TBC1D19: variants seen among roughly 807,000 people sequenced by gnomAD.
TBC1D19 encodes TBC1 domain family, member 19.
TBC1D19 carries 60 observed loss-of-function variants against 89.0 expected under a neutral mutation model. The ratio of observed to expected loss-of-function variants is 0.67; its 90% CI spans 0.55 to 0.84. The LOEUF is 0.84. Among genes scored for constraint, TBC1D19 ranks in the 40% least tolerant of loss-of-function variants. The pLI is 0.00. For missense variants in TBC1D19, 500 were observed against 610.8 expected (o/e 0.82, Z 1.91); for synonymous variants, 189 against 199.7 (o/e 0.95, Z 0.45).
At chr4:26,682,010 T>A (rs1713388472) in intron 11 of TBC1D19, among the ~76,000 whole-genome samples, 2 of 152,176 alleles carry the variant, frequency 1.3e-5, no homozygotes, top group South Asian at 4.1e-4. Flanking sequence ...TTTGGGACAG[T>A]TGAATGGAAG....
the TBC1D19 span, among the ~76,000 whole-genome samples, chr4:26,846,173 A>C: frequency 6.6e-6 from 1 of 152,210 alleles, no homozygotes; most frequent in Non-Finnish European, 1.5e-5. Flanking sequence ...CTGTTGATGG[A>C]CATTTGAGTG....
the TBC1D19 span, among the ~76,000 whole-genome samples, chr4:26,822,407 T>G: frequency 6.6e-6 from 1 of 152,256 alleles, no homozygotes; most frequent in Non-Finnish European, 1.5e-5. Flanking sequence ...TGAACCCACT[T>G]CATTAATAAG....
chr4:26,845,085 A>G, the TBC1D19 span, among the ~76,000 whole-genome samples: 413 of 152,350 alleles, frequency 2.7e-3, no homozygotes, highest in Non-Finnish European at 5.2e-3. Flanking sequence ...TAATGAAATC[A>G]ACAATTATCT....
chr4:26,687,062 C>G (rs184646906), intron 12 of TBC1D19, among the ~76,000 whole-genome samples: 1 of 151,998 alleles, frequency 6.6e-6, no homozygotes, highest in East Asian at 1.9e-4. Context: ...ATTTTTGTAT[C>G]CTTCATCCCA....
rs189107227 is a variant in TBC1D19 at position 26,755,513 on chromosome 4, A to G, written c.*566A>G. Among the ~76,000 whole-genome samples, 13 of 152,174 alleles carry G rather than the reference A, an allele frequency of 8.5e-5. No individual in the cohort carries two copies. The highest frequency in any genetic ancestry group is 3.1e-4 in the African/African-American group (13 of 41,552). Reference sequence around the variant, plus strand: ...CCAGGGATTTTCTACATTTCTCTCCATTTTATTTCTCTCTTTAAACATCTC... The same window carrying G: ...CCAGGGATTTTCTACATTTCTCTCCGTTTTATTTCTCTCTTTAAACATCTC... On this transcript the variant is annotated 3_prime_UTR_variant, in exon 21 of 21. Coordinates refer to ENST00000264866, the MANE Select transcript of TBC1D19 (RefSeq NM_018317.4).
At chr4:26,843,918 TCAAA>T in the TBC1D19 span, among the ~76,000 whole-genome samples, 2 of 151,994 alleles carry the variant, frequency 1.3e-5, no homozygotes, top group South Asian at 2.1e-4. Context: ...CCACACACTC[TCAAA>T]CAACCAGATC....
the TBC1D19 span, among the ~76,000 whole-genome samples, chr4:26,855,921 T>G: frequency 6.6e-6 from 1 of 152,238 alleles, no homozygotes; most frequent in Non-Finnish European, 1.5e-5. Flanking sequence ...ATGTACATTG[T>G]AGAACAATTC....
chr4:26,853,639 G>C, the TBC1D19 span, among the ~76,000 whole-genome samples: 2 of 152,024 alleles, frequency 1.3e-5, no homozygotes, highest in Non-Finnish European at 2.9e-5. Context: ...CCAGGTTCAA[G>C]CCGTTCTCCT....
At chr4:26,712,503 T>C (rs1000181419) in intron 13 of TBC1D19, among the ~76,000 whole-genome samples, 11 of 152,092 alleles carry the variant, frequency 7.2e-5, no homozygotes, top group African/African-American at 2.4e-4. Flanking sequence ...CTTGGTTACA[T>C]TGGGCCCAGC....
chr4:26,753,072 T>C lies in TBC1D19; in HGVS notation c.1436-748T>C, dbSNP rs75048197. ...CCTGTAGCCAACATTATATTAAATGTCAGGATCAATCCCACAGCAGCCCTC... is the reference window on the plus strand; with the variant it reads ...CCTGTAGCCAACATTATATTAAATGCCAGGATCAATCCCACAGCAGCCCTC... On this transcript the variant is annotated intron_variant, in intron 19 of 20. Coordinates refer to ENST00000264866, the MANE Select transcript of TBC1D19 (RefSeq NM_018317.4). Among the ~76,000 whole-genome samples, 578 of 152,346 alleles carry C rather than the reference T, an allele frequency of 3.8e-3. 4 individuals are homozygous for C. The highest frequency in any genetic ancestry group is 6.9e-3 in the Non-Finnish European group (467 of 68,036).
At chr4:26,644,706 T>G (rs1743795189) in intron 7 of TBC1D19, among the ~76,000 whole-genome samples, 1 of 152,240 alleles carries the variant, frequency 6.6e-6, no homozygotes, top group Non-Finnish European at 1.5e-5. Context: ...CTTAGGCTGA[T>G]AAGCAACTTC....
chr4:26,700,826 T>C (rs1413366621), intron 13 of TBC1D19, among the ~76,000 whole-genome samples: 2 of 152,220 alleles, frequency 1.3e-5, no homozygotes, highest in African/African-American at 4.8e-5. Context: ...CTTCCTATTT[T>C]TCTCTCTTGC....
At chr4:26,666,275 T>C in intron 8 of TBC1D19, 58 bp from the exon 9 acceptor site, 1 of 1,409,174 alleles carries the variant, frequency 7.1e-7, no homozygotes, top group Middle Eastern at 1.8e-4. Flanking sequence ...AGGTGATCTT[T>C]TAACAATGTG....
chr4:26,598,728 G>A (rs1560407034), intron 1 of TBC1D19, among the ~76,000 whole-genome samples: 1 of 152,102 alleles, frequency 6.6e-6, no homozygotes, highest in Non-Finnish European at 1.5e-5. Flanking sequence ...TATCACATGA[G>A]TTCAAGTCAG....
intron 13 of TBC1D19, among the ~76,000 whole-genome samples, chr4:26,700,302 C>G (rs1276865425): frequency 6.6e-6 from 1 of 152,120 alleles, no homozygotes; most frequent in Non-Finnish European, 1.5e-5. Flanking sequence ...CCACAGATAT[C>G]CATACCCAGA....
intron 15 of TBC1D19, 68 bp from the exon 16 acceptor site, chr4:26,735,387 C>T: frequency 1.5e-6 from 2 of 1,313,006 alleles, no homozygotes; most frequent in Non-Finnish European, 2.1e-6. Flanking sequence ...CAGTTTTAAT[C>T]TTTTAAAGCT....
intron 13 of TBC1D19, among the ~76,000 whole-genome samples, chr4:26,713,032 A>G (rs944823550): frequency 6.6e-6 from 1 of 152,100 alleles, no homozygotes; most frequent in African/African-American, 2.4e-5. Flanking sequence ...CCACAGTGGT[A>G]TGTGAAAGTT....
At chr4:26,800,340 A>AT in the TBC1D19 span, among the ~76,000 whole-genome samples, 1 of 152,156 alleles carries the variant, frequency 6.6e-6, no homozygotes, top group Admixed American at 6.5e-5. Flanking sequence ...TGAACTCATC[A>AT]TTTTTTATGG....
intron 16 of TBC1D19, among the ~76,000 whole-genome samples, chr4:26,736,063 TATAA>T (rs2109306801): frequency 7.3e-6 from 1 of 137,428 alleles, no homozygotes; most frequent in South Asian, 2.7e-4. Flanking sequence ...CCCAAAGGAC[TATAA>T]ATCATGCTGC....
Sources: gnomAD v4.1 joint callset for allele counts (sites outside exome capture counted in the v4.1 genomes callset) on GRCh38, gnomAD v4.1.1 for gene constraint, MANE v1.5 for transcripts, NCBI Gene and HGNC (gene_info 2026-07-23, HGNC 2026-07-21) for gene names.